Variants in IL1RAPL1 observed in about 807,000 individuals in gnomAD.
IL1RAPL1 encodes interleukin-1 receptor accessory protein-like 1.
Under a neutral mutation model 48.4 loss-of-function variants are expected in IL1RAPL1, and 3 were observed. The observed-to-expected ratio is 0.06, with a 90% confidence interval of 0.03 to 0.16. The LOEUF (loss-of-function observed/expected upper bound fraction) is 0.16, where lower values mean the gene tolerates loss of function less well. IL1RAPL1 is among the 10% of genes least tolerant of loss of function. The pLI, the probability that IL1RAPL1 is intolerant of heterozygous loss-of-function variation, is 1.00. For synonymous variants in IL1RAPL1, 185 were observed against 187.7 expected, an observed-to-expected ratio of 0.99 and a Z score of 0.12; for missense variants, 349 against 530.6, an observed-to-expected ratio of 0.66 and a Z score of 3.36.
intron 2 of IL1RAPL1, among the ~76,000 whole-genome samples, chrX:28,792,510 G>A (rs1054709086): frequency 1.5e-4 from 15 of 97,888 alleles, no homozygotes; most frequent in African/African-American, 4.0e-4. Flanking sequence ...AAGGCAGGCC[G>A]GGCGCGTTGG....
rs1242375494 is a variant in IL1RAPL1, at chrX:29,252,187, G to A, written c.83-30751G>A. On this transcript the variant is annotated intron_variant, in intron 2 of 10. Transcript: ENST00000378993. ...GCTAGATGACGAGTTAGTGGGTGCA[G>A]CACACCAGCATGGCACATGTATACA... Among the ~76,000 whole-genome samples, 3 of 112,101 alleles carry A rather than the reference G, an allele frequency of 2.7e-5. No homozygotes were observed. The East Asian group carries it at 8.2e-4, about 31-fold the overall frequency.
chrX:29,418,854 CTAATT>C (rs1343354937), intron 5 of IL1RAPL1, among the ~76,000 whole-genome samples: 1 of 111,798 alleles, frequency 8.9e-6, no homozygotes, highest in African/African-American at 3.3e-5. Flanking sequence ...TTATGTTAAT[CTAATT>C]TGTCTTTGAG....
At chrX:28,851,281 CA>C (rs1461326865) in intron 2 of IL1RAPL1, among the ~76,000 whole-genome samples, 1 of 109,982 alleles carries the variant, frequency 9.1e-6, no homozygotes, top group African/African-American at 3.3e-5. Context: ...TTGTAGGAGG[CA>C]GCAGTTATTA....
intron 6 of IL1RAPL1, among the ~76,000 whole-genome samples, chrX:29,798,381 C>T (rs1401347657): frequency 2.7e-5 from 3 of 111,616 alleles, no homozygotes; most frequent in South Asian, 3.7e-4. Context: ...GCTTGCCTCT[C>T]GGTTTTATAG....
rs758376096 is a variant in IL1RAPL1, at chrX:28,613,353, C to G, written c.-25+25306C>G. ...ACAAAATCTATTAGCCTGTGGGAAA[C>G]AGGGCATGTATTAGACCAGTGGTTT... On this transcript the variant is annotated intron_variant, in intron 1 of 10. Transcript: ENST00000378993. Among the ~76,000 whole-genome samples, 3 of 112,390 alleles carry G rather than the reference C, an allele frequency of 2.7e-5. No individual in the cohort carries two copies. In the South Asian group the frequency reaches 1.1e-3, roughly 42 times the overall value.
At chrX:28,869,981 C>T (rs73631618) in intron 2 of IL1RAPL1, among the ~76,000 whole-genome samples, 2,570 of 111,401 alleles carry the variant, frequency 0.023, 69 homozygotes, top group African/African-American at 0.079. Context: ...TATCTGGTTT[C>T]TTCCATTTAG....
At chrX:29,124,741 A>G (rs1162260002) in intron 2 of IL1RAPL1, among the ~76,000 whole-genome samples, 1 of 112,352 alleles carries the variant, frequency 8.9e-6, no homozygotes, top group South Asian at 3.7e-4. Flanking sequence ...ATAAAAAAGT[A>G]TAGAGCATAT....
At chrX:29,164,314 G>A (rs1274304559) in intron 2 of IL1RAPL1, among the ~76,000 whole-genome samples, 1 of 111,609 alleles carries the variant, frequency 9.0e-6, no homozygotes, top group Non-Finnish European at 1.9e-5. Flanking sequence ...TGTATCCCCA[G>A]ATCCCAGTGC....
intron 2 of IL1RAPL1, among the ~76,000 whole-genome samples, chrX:28,967,600 A>C (rs1486214020): frequency 2.7e-5 from 3 of 111,679 alleles, no homozygotes; most frequent in Non-Finnish European, 5.7e-5. Flanking sequence ...TGATTTACCT[A>C]TTCCCATGAC....
At chrX:29,242,741 G>A (rs183163446) in intron 2 of IL1RAPL1, among the ~76,000 whole-genome samples, 2 of 111,502 alleles carry the variant, frequency 1.8e-5, no homozygotes, top group East Asian at 5.6e-4. Flanking sequence ...CTTTTTGCTA[G>A]GCACCTTGCA....
At chrX:29,916,211 C>G (rs934566848) in intron 6 of IL1RAPL1, among the ~76,000 whole-genome samples, 1 of 105,729 alleles carries the variant, frequency 9.5e-6, no homozygotes, top group African/African-American at 3.5e-5. Flanking sequence ...AATAAACATA[C>G]GTGTGCATGT....
intron 6 of IL1RAPL1, among the ~76,000 whole-genome samples, chrX:29,676,684 T>C (rs1455548008): frequency 1.8e-5 from 2 of 111,320 alleles, no homozygotes; most frequent in Non-Finnish European, 1.9e-5. Flanking sequence ...AAGACAAAAA[T>C]AAGAGTAAAA....
chrX:29,693,935 G>T (rs1448636421), intron 6 of IL1RAPL1, among the ~76,000 whole-genome samples: 1 of 110,411 alleles, frequency 9.1e-6, no homozygotes, highest in African/African-American at 3.3e-5. Context: ...ACTATCCATT[G>T]TGAGACTAAG....
chrX:29,685,824 A>T (rs1255604162), intron 6 of IL1RAPL1, among the ~76,000 whole-genome samples: 1 of 106,449 alleles, frequency 9.4e-6, no homozygotes, highest in African/African-American at 3.6e-5. Flanking sequence ...GTCTCTACTA[A>T]AAATACAAAA....
chrX:28,893,447 G>A (rs1922825140), intron 2 of IL1RAPL1, among the ~76,000 whole-genome samples: 2 of 111,562 alleles, frequency 1.8e-5, no homozygotes, highest in South Asian at 7.6e-4. Flanking sequence ...CACGAATTAT[G>A]TCTGCCAGAA....
At chrX:29,934,642 C>T (rs1280076062) in intron 8 of IL1RAPL1, among the ~76,000 whole-genome samples, 6 of 111,325 alleles carry the variant, frequency 5.4e-5, no homozygotes, top group African/African-American at 2.0e-4. Flanking sequence ...CCACATTTAC[C>T]TTATCTCTCT....
At chrX:28,963,829 G>C (rs1292496969) in intron 2 of IL1RAPL1, among the ~76,000 whole-genome samples, 9 of 110,452 alleles carry the variant, frequency 8.1e-5, no homozygotes, top group Non-Finnish European at 1.5e-4. Context: ...TTTTAATTGT[G>C]GTAAAATACA....
At chrX:29,362,840 A>G (rs1194002514) in intron 3 of IL1RAPL1, among the ~76,000 whole-genome samples, 4 of 112,464 alleles carry the variant, frequency 3.6e-5, no homozygotes, top group East Asian at 5.5e-4. Context: ...CATCTAAAAC[A>G]TAGCCTTCAA....
At chrX:29,149,100 A>G (rs765718457) in intron 2 of IL1RAPL1, among the ~76,000 whole-genome samples, 1 of 110,789 alleles carries the variant, frequency 9.0e-6, no homozygotes, top group East Asian at 2.8e-4. Flanking sequence ...TATTTTGTAG[A>G]CTCCCTACAA....
Sources: allele counts gnomAD v4.1 joint callset (sites outside exome capture counted in the v4.1 genomes callset), GRCh38; gene constraint gnomAD v4.1.1; transcripts MANE v1.5; gene names NCBI Gene and HGNC (gene_info 2026-07-23, HGNC 2026-07-21).